Variants in SYT1 observed in about 807,000 individuals in gnomAD.
SYT1 encodes the protein synaptotagmin-1.
A neutral mutation model predicts 44.8 loss-of-function variants in SYT1; 8 were observed. The observed-to-expected ratio is 0.18, with a 90% confidence interval of 0.10 to 0.32. The LOEUF is 0.32. Ranked by LOEUF, SYT1 falls within the 10% of genes least tolerant of loss-of-function variation. SYT1 has a pLI of 1.00. For missense variants in SYT1, 286 were observed against 509.3 expected, an observed-to-expected ratio of 0.56 and a Z score of 4.22; for synonymous variants, 154 against 188.8, an observed-to-expected ratio of 0.82 and a Z score of 1.51.
rs539095584 is a variant in SYT1 at position 79,107,707 on chromosome 12, T to C, written c.-18+60345T>C. Among the ~76,000 whole-genome samples the C allele has an allele frequency of 7.9e-5, 12 of 152,112 alleles. No individual in the cohort carries two copies. The East Asian group carries it at 2.3e-3, about 29-fold the overall frequency. Reference sequence around the variant, plus strand: ...TGTCAGACATTATTCTTAAAGACTTTAGCTACAAGAATTTAGATACAATAT... The same window carrying C: ...TGTCAGACATTATTCTTAAAGACTTCAGCTACAAGAATTTAGATACAATAT... On this transcript the variant is annotated intron_variant, in intron 3 of 10. Coordinates refer to ENST00000261205, the MANE Select transcript of SYT1 (RefSeq NM_005639.3).
At chr12:79,275,698 T>G (rs1178407214) in intron 4 of SYT1, among the ~76,000 whole-genome samples, 1 of 152,182 alleles carries the variant, frequency 6.6e-6, no homozygotes, top group East Asian at 1.9e-4. Flanking sequence ...TTGCCCACTA[T>G]TGGGTTTTGC....
chr12:79,320,781 C>A (rs1881322014), intron 8 of SYT1, among the ~76,000 whole-genome samples: 1 of 151,624 alleles, frequency 6.6e-6, no homozygotes, highest in African/African-American at 2.4e-5. Flanking sequence ...TTCCACCAGG[C>A]ACAGCTAATT....
chr12:79,287,917 A>G (rs1401344978), intron 5 of SYT1, among the ~76,000 whole-genome samples: 2 of 152,168 alleles, frequency 1.3e-5, no homozygotes, highest in African/African-American at 2.4e-5. Flanking sequence ...CTAATCTGTT[A>G]TTGCAAATTA....
intron 3 of SYT1, among the ~76,000 whole-genome samples, chr12:79,192,029 C>T (rs535241032): frequency 2.6e-5 from 4 of 152,240 alleles, no homozygotes; most frequent in African/African-American, 9.6e-5. Flanking sequence ...TATAACTTCC[C>T]CTTAACTTTA....
At position 79,282,348 on chromosome 12, in the gene SYT1, A is replaced by G. The variant is rs370887695; in HGVS notation, c.167-3439A>G. 3.8e-3 allele frequency among the ~76,000 whole-genome samples: 575 copies of G among 152,314 alleles called. 2 individuals are homozygous for G. Among genetic ancestry groups the G allele is most frequent in the African/African-American group, 0.013 (540 of 41,572 alleles). On this transcript the variant is annotated intron_variant, in intron 4 of 10. Coordinates refer to ENST00000261205, the MANE Select transcript of SYT1 (RefSeq NM_005639.3). ...CCTTGTACTTAATTATTATGTATCA[A>G]TTTACCTTTGGGTCAGATAATATAT...
intron 3 of SYT1, among the ~76,000 whole-genome samples, chr12:79,202,750 G>A (rs545366154): frequency 6.6e-6 from 1 of 152,244 alleles, no homozygotes; most frequent in African/African-American, 2.4e-5. Context: ...ACACTAAAAG[G>A]TAGAACATTC....
chr12:78,974,418 T>A (rs1868659667), intron 1 of SYT1, among the ~76,000 whole-genome samples: 1 of 151,808 alleles, frequency 6.6e-6, no homozygotes, highest in Non-Finnish European at 1.5e-5. Flanking sequence ...AAAATTATTA[T>A]TATTATTTTA....
intron 3 of SYT1, among the ~76,000 whole-genome samples, chr12:79,137,986 C>T (rs1869309570): frequency 1.3e-5 from 2 of 152,170 alleles, no homozygotes; most frequent in Admixed American, 1.3e-4. Context: ...ATATTCATGT[C>T]CTTTCTTAAA....
At chr12:78,981,621 C>T (rs1869270098) in intron 2 of SYT1, among the ~76,000 whole-genome samples, 1 of 152,128 alleles carries the variant, frequency 6.6e-6, no homozygotes, top group African/African-American at 2.4e-5. Flanking sequence ...GGATTAACTC[C>T]TTACTCTTTA....
chr12:79,167,634 A>G (rs749936751), intron 3 of SYT1, among the ~76,000 whole-genome samples: 5 of 152,092 alleles, frequency 3.3e-5, no homozygotes, highest in Non-Finnish European at 5.9e-5. Context: ...TATTTTTACC[A>G]AAGAAACAAG....
chr12:79,053,437 A>G (rs1675444546), intron 3 of SYT1, among the ~76,000 whole-genome samples: 1 of 151,912 alleles, frequency 6.6e-6, no homozygotes, highest in South Asian at 2.1e-4. Context: ...CAGCACACCA[A>G]CACGGCACAT....
At chr12:79,124,340 T>C (rs1592769285) in intron 3 of SYT1, among the ~76,000 whole-genome samples, 2 of 152,014 alleles carry the variant, frequency 1.3e-5, no homozygotes, top group East Asian at 3.9e-4. Flanking sequence ...TTGGAGACAA[T>C]ACCACCAAAG....
At chr12:79,322,601 G>A (rs948467078) in intron 8 of SYT1, among the ~76,000 whole-genome samples, 2 of 152,016 alleles carry the variant, frequency 1.3e-5, no homozygotes, top group South Asian at 2.1e-4. Flanking sequence ...ACCCAGCCCC[G>A]TATTTCTGAA....
intron 1 of SYT1, among the ~76,000 whole-genome samples, chr12:78,970,420 G>A (rs1033409628): frequency 2.0e-5 from 3 of 152,126 alleles, no homozygotes; most frequent in Admixed American, 6.6e-5. Context: ...AAGGTTATCA[G>A]TATATTAGTT....
At chr12:79,265,526 C>T (rs1166780623) in intron 4 of SYT1, among the ~76,000 whole-genome samples, 1 of 152,064 alleles carries the variant, frequency 6.6e-6, no homozygotes, top group Non-Finnish European at 1.5e-5. Flanking sequence ...GCTGTAATAT[C>T]ATTAGCATTT....
chr12:79,277,015 AGAG>A (rs1390239905), intron 4 of SYT1, among the ~76,000 whole-genome samples: 1 of 151,920 alleles, frequency 6.6e-6, no homozygotes, highest in Non-Finnish European at 1.5e-5. Context: ...AGGAAGAGGA[AGAG>A]GAAGAAGAAG....
intron 3 of SYT1, among the ~76,000 whole-genome samples, chr12:79,071,915 A>G (rs1867152960): frequency 6.6e-6 from 1 of 152,194 alleles, no homozygotes; most frequent in South Asian, 2.1e-4. Context: ...ACTTCAACAT[A>G]TCTTTTTAAG....
chr12:78,996,408 G>A (rs1870384174), intron 2 of SYT1, among the ~76,000 whole-genome samples: 1 of 152,156 alleles, frequency 6.6e-6, no homozygotes, highest in Non-Finnish European at 1.5e-5. Context: ...CCATTGACCA[G>A]TATATTGAGA....
chr12:79,107,638 T>A (rs1280769888), intron 3 of SYT1, among the ~76,000 whole-genome samples: 5 of 152,010 alleles, frequency 3.3e-5, no homozygotes, highest in African/African-American at 1.2e-4. Context: ...TTTGCAGAGC[T>A]CATGCTTATA....
Sources: gnomAD v4.1 joint callset for allele counts (sites outside exome capture counted in the v4.1 genomes callset) on GRCh38, gnomAD v4.1.1 for gene constraint, MANE v1.5 for transcripts, NCBI Gene and HGNC (gene_info 2026-07-23, HGNC 2026-07-21) for gene names.